The following PPFIA2 variants were observed in gnomAD, a reference collection of about 807,000 sequenced individuals.
The protein encoded by PPFIA2 is PPFI scaffold protein A2.
A neutral mutation model predicts 175.5 loss-of-function variants in PPFIA2; 46 were observed. That is an observed-to-expected ratio of 0.26 (90% CI 0.21 to 0.34). The LOEUF is 0.34. Among genes scored for constraint, PPFIA2 ranks in the 10% least tolerant of loss-of-function variants. The pLI is 1.00. For missense variants in PPFIA2, 1,179 were observed against 1,506.1 expected, an observed-to-expected ratio of 0.78 and a Z score of 3.60; for synonymous variants, 568 against 511.4, an observed-to-expected ratio of 1.11 and a Z score of -1.49.
chr12:81,480,415 T>C (rs140426453), intron 4 of PPFIA2, among the ~76,000 whole-genome samples: 2,673 of 152,220 alleles, frequency 0.018, 138 homozygotes, highest in East Asian at 0.17. Context: ...CTTCTGTCAA[T>C]TCATCAAACT....
chr12:81,717,378 C>T (rs1166284447), intron 3 of PPFIA2, among the ~76,000 whole-genome samples: 1 of 151,600 alleles, frequency 6.6e-6, no homozygotes, highest in Non-Finnish European at 1.5e-5. Context: ...AGTTTGCTAG[C>T]TTCAGGCCTA....
At chr12:81,323,999 T>C (rs982854501) in intron 22 of PPFIA2, among the ~76,000 whole-genome samples, 1 of 152,050 alleles carries the variant, frequency 6.6e-6, no homozygotes, top group Non-Finnish European at 1.5e-5. Flanking sequence ...TACTAAGAAA[T>C]GTTAGCCATT....
rs184302895 is a variant in PPFIA2, at chr12:81,639,901, A to T, written c.303+36890T>A. On this transcript the variant is annotated intron_variant, in intron 4 of 32. Transcript: ENST00000549396. ...AATCTCCATTTAAGAAGCAAAACACATCACCCTAATAAAATGAATATAAGT... is the reference window on the plus strand; with the variant it reads ...AATCTCCATTTAAGAAGCAAAACACTTCACCCTAATAAAATGAATATAAGT... 1.9e-3 allele frequency among the ~76,000 whole-genome samples: 282 copies of T among 152,248 alleles called. 5 individuals are homozygous for T. The highest frequency in any genetic ancestry group is 0.018 in the Admixed American group (278 of 15,288).
chr12:81,373,998 GA>G (rs1457475601), intron 11 of PPFIA2, among the ~76,000 whole-genome samples: 1 of 151,990 alleles, frequency 6.6e-6, no homozygotes, highest in Admixed American at 6.6e-5. Context: ...TTGATTGTCA[GA>G]GGTCAGAATA....
chr12:81,354,912 G>A (rs908122130), intron 16 of PPFIA2, among the ~76,000 whole-genome samples: 11 of 152,068 alleles, frequency 7.2e-5, no homozygotes, highest in Non-Finnish European at 1.6e-4. Flanking sequence ...CAAAGTGCTG[G>A]GATTACAGGT....
At chr12:81,752,175 T>C (rs1000307376) in intron 3 of PPFIA2, among the ~76,000 whole-genome samples, 15 of 152,202 alleles carry the variant, frequency 9.9e-5, no homozygotes, top group African/African-American at 3.6e-4. Flanking sequence ...ATTGAAGGTA[T>C]GTTGAACTTG....
rs763280326 is a variant in PPFIA2 at position 81,325,819 on chromosome 12, T to C, written c.2600A>G (p.Lys867Arg). The C allele has an allele frequency of 3.4e-5, 55 of 1,612,764 alleles. No individual in the cohort carries two copies. The highest frequency in any genetic ancestry group is 4.2e-5 in the Non-Finnish European group (49 of 1,179,118). ...AAAQESLGLG[K>R]LGTQAEKDRR... ...ATCCTTCTCAGCTTGAGTTCCGAGT[T>C]TGCCTAACCCCAGGGACTCCTGAGC... The change falls in exon 22 of 33, where the codon AAA becomes AGA. Residue 867 changes from lysine to arginine, a missense_variant. Lys to Arg is a conservative substitution (Grantham distance 26). Transcript: ENST00000549396.
At chr12:81,739,247 AC>A (rs2082039415) in intron 3 of PPFIA2, among the ~76,000 whole-genome samples, 1 of 152,032 alleles carries the variant, frequency 6.6e-6, no homozygotes, top group Non-Finnish European at 1.5e-5. Flanking sequence ...AGTTACTAAA[AC>A]TTATGATTTC....
At chr12:81,606,153 T>C (rs922337825) in intron 4 of PPFIA2, among the ~76,000 whole-genome samples, 3 of 152,026 alleles carry the variant, frequency 2.0e-5, no homozygotes, top group African/African-American at 7.2e-5. Context: ...CAAGATTAAT[T>C]ATTTTTATAT....
Position 81,299,328 on chromosome 12 carries a change from A to C in PPFIA2, c.2697T>G (p.Asp899Glu). 6.3e-7 allele frequency: 1 copy of C among 1,597,216 alleles called. No individual in the cohort carries two copies. The highest frequency in any genetic ancestry group is 8.5e-7 in the Non-Finnish European group (1 of 1,171,118). Residue 899 changes from aspartate (D) to glutamate (E), a missense_variant, in exon 23 of 33, where the codon GAT (aspartate) becomes GAG (glutamate). Physicochemically the swap from Asp to Glu is conservative, Grantham distance 45. This residue lies in a region of PPFIA2 where 44 missense variants were observed against 81.3 expected (regional missense o/e 0.54). Coordinates refer to ENST00000549396, the MANE Select transcript of PPFIA2 (RefSeq NM_003625.5). ...RRKGLPFAQW[D>E]GPTVVAWLEL... The stretch of plus-strand genomic sequence containing the variant: ...CTAGCCATGCGACCACAGTTGGCCC[A>C]TCCCACTGGGCAAAAGGTAATCCCT...
At chr12:81,535,853 C>A (rs1167795936) in intron 4 of PPFIA2, among the ~76,000 whole-genome samples, 1 of 151,758 alleles carries the variant, frequency 6.6e-6, no homozygotes, top group Non-Finnish European at 1.5e-5. Flanking sequence ...ACTTGGCAAA[C>A]TCCTTCATTC....
At chr12:81,429,947 C>T (rs1311308358) in intron 7 of PPFIA2, 6 of 152,018 alleles carry the variant, frequency 3.9e-5, no homozygotes, top group Non-Finnish European at 8.8e-5. Flanking sequence ...TATGTTGTCT[C>T]GTTTACAGTC....
At chr12:81,405,692 A>G (rs2042806766) in intron 8 of PPFIA2, 95 bp downstream of exon 8, 1 of 697,638 alleles carries the variant, frequency 1.4e-6, no homozygotes, top group African/African-American at 1.8e-5. Flanking sequence ...ATCAACAAAT[A>G]CTAAAAAAAT....
At chr12:81,693,103 C>T (rs1355162003) in intron 3 of PPFIA2, among the ~76,000 whole-genome samples, 3 of 151,994 alleles carry the variant, frequency 2.0e-5, no homozygotes, top group Non-Finnish European at 4.4e-5. Context: ...AAATATCTAT[C>T]CAACTCATTT....
chr12:81,526,865 T>C (rs1421095457), intron 4 of PPFIA2, among the ~76,000 whole-genome samples: 2 of 152,184 alleles, frequency 1.3e-5, no homozygotes, highest in Non-Finnish European at 2.9e-5. Flanking sequence ...CAGTCACTCA[T>C]ATATTAGAAT....
At chr12:81,643,144 T>G (rs1567693618) in intron 4 of PPFIA2, among the ~76,000 whole-genome samples, 1 of 150,656 alleles carries the variant, frequency 6.6e-6, no homozygotes, top group Non-Finnish European at 1.5e-5. Context: ...TCCAAATTAC[T>G]TAAAATATCA....
intron 3 of PPFIA2, among the ~76,000 whole-genome samples, chr12:81,702,814 G>A (rs1596541378): frequency 6.6e-6 from 1 of 152,236 alleles, no homozygotes; most frequent in African/African-American, 2.4e-5. Context: ...TGAGGGTGAA[G>A]CCCCTATTAT....
chr12:81,578,498 A>G (rs1023927871), intron 4 of PPFIA2, among the ~76,000 whole-genome samples: 1 of 151,794 alleles, frequency 6.6e-6, no homozygotes, highest in African/African-American at 2.4e-5. Context: ...ATAGTAAAAT[A>G]TCTCACTTTT....
At chr12:81,573,150 G>A (rs147102434) in intron 4 of PPFIA2, among the ~76,000 whole-genome samples, 113 of 152,012 alleles carry the variant, frequency 7.4e-4, no homozygotes, top group African/African-American at 2.4e-3. Flanking sequence ...TTTTCAGAGC[G>A]TGTTGCAGAT....
Sources: gnomAD v4.1 joint callset for allele counts (sites outside exome capture counted in the v4.1 genomes callset) on GRCh38, gnomAD v4.1.1 for gene constraint, gnomAD v4.1.1 regional missense constraint, MANE v1.5 for transcripts, NCBI Gene and HGNC (gene_info 2026-07-23, HGNC 2026-07-21) for gene names.